The following MYRIP variants were observed in gnomAD, a reference collection of about 807,000 sequenced individuals.
MYRIP encodes rab effector MyRIP.
A neutral mutation model predicts 98.0 loss-of-function variants in MYRIP; 49 were observed. The ratio of observed to expected loss-of-function variants is 0.50; its 90% CI spans 0.40 to 0.63. The LOEUF is 0.63. Ranked by LOEUF, MYRIP falls within the 30% of genes least tolerant of loss-of-function variation. MYRIP has a pLI of 0.00. For synonymous variants in MYRIP, 404 were observed against 409.5 expected (o/e 0.99, Z 0.16); for missense variants, 1,004 against 1,058.2 (o/e 0.95, Z 0.71).
intron 2 of MYRIP, among the ~76,000 whole-genome samples, chr3:39,985,208 T>C (rs1399367454): frequency 2.7e-5 from 4 of 150,074 alleles, no homozygotes; most frequent in African/African-American, 9.8e-5. Context: ...CCATTCACAA[T>C]TGCTTCAAAG....
chr3:40,000,913 C>T lies in MYRIP; in HGVS notation c.111-43137C>T, dbSNP rs192063593. Among the ~76,000 whole-genome samples, 1,098 of 152,254 alleles carry T rather than the reference C, an allele frequency of 7.2e-3. 9 individuals carry two copies. Among genetic ancestry groups the T allele is most frequent in the Middle Eastern group, 0.021 (6 of 292 alleles). On this transcript the variant is annotated intron_variant, in intron 2 of 16. Coordinates refer to ENST00000302541, the MANE Select transcript of MYRIP (RefSeq NM_015460.4). The stretch of plus-strand genomic sequence containing the variant: ...AGGTTACCTTCTCCTTTCTCCTACC[C>T]TGGATTTGAATACCTGGGAAAACAT...
intron 1 of MYRIP, among the ~76,000 whole-genome samples, chr3:39,868,817 A>G (rs1422466336): frequency 6.6e-6 from 1 of 152,176 alleles, no homozygotes; most frequent in African/African-American, 2.4e-5. Context: ...CTTTTTGGAT[A>G]TAAAATTATG....
intron 2 of MYRIP, among the ~76,000 whole-genome samples, chr3:40,040,071 A>G (rs72871439): frequency 0.017 from 2,647 of 152,292 alleles, 70 homozygotes; most frequent in African/African-American, 0.059. Flanking sequence ...ATGCAGGATA[A>G]CTACATCTCA....
chr3:39,979,268 G>C (rs1332484079), intron 2 of MYRIP, among the ~76,000 whole-genome samples: 1 of 152,112 alleles, frequency 6.6e-6, no homozygotes, highest in East Asian at 1.9e-4. Context: ...ATATAGACAT[G>C]TGCCACTATG....
At chr3:39,920,476 G>A (rs1308638088) in intron 2 of MYRIP, among the ~76,000 whole-genome samples, 2 of 152,110 alleles carry the variant, frequency 1.3e-5, no homozygotes, top group African/African-American at 2.4e-5. Flanking sequence ...CTTAGCTGCT[G>A]AGACATTTTG....
rs139153340 is a variant in MYRIP, at chr3:40,130,002, G to A, written c.333-21046G>A. 1.8e-4 allele frequency among the ~76,000 whole-genome samples: 28 copies of A among 152,274 alleles called. No individual in the cohort carries two copies. The East Asian group carries it at 4.8e-3, about 26-fold the overall frequency. ...AAGTCCCTTGAAGTGATTAGTATTC[G>A]CAGTATGATGTTAAGTAGGTTTTTT... On this transcript the variant is annotated intron_variant, in intron 3 of 16. Coordinates refer to ENST00000302541, the MANE Select transcript of MYRIP (RefSeq NM_015460.4).
At chr3:40,240,818 G>T (rs1952986696) in intron 12 of MYRIP, among the ~76,000 whole-genome samples, 1 of 152,130 alleles carries the variant, frequency 6.6e-6, no homozygotes, top group Non-Finnish European at 1.5e-5. Context: ...GAGCTCCACT[G>T]TACCTATTGG....
At chr3:39,862,487 G>A (rs1942501880) in intron 1 of MYRIP, among the ~76,000 whole-genome samples, 1 of 151,946 alleles carries the variant, frequency 6.6e-6, no homozygotes, top group East Asian at 1.9e-4. Flanking sequence ...CAAAAAGCAG[G>A]GATTGCTATT....
chr3:40,145,666 C>G (rs769502383), intron 3 of MYRIP, among the ~76,000 whole-genome samples: 2 of 152,184 alleles, frequency 1.3e-5, no homozygotes, highest in African/African-American at 2.4e-5. Context: ...CATCTTTGAA[C>G]CTGGCTGCTT....
intron 10 of MYRIP, among the ~76,000 whole-genome samples, chr3:40,192,920 A>G (rs2261544): frequency 0.92 from 139,744 of 152,190 alleles, 64,226 homozygotes; most frequent in Middle Eastern, 0.96. Context: ...TAGAAAATGC[A>G]GAATAAGCTC....
chr3:39,977,010 C>G (rs543719729), intron 2 of MYRIP, among the ~76,000 whole-genome samples: 3 of 151,768 alleles, frequency 2.0e-5, no homozygotes, highest in Non-Finnish European at 4.4e-5. Flanking sequence ...CTAACCTGCA[C>G]GTTGTGCACA....
At chr3:39,981,465 G>A (rs192817211) in intron 2 of MYRIP, among the ~76,000 whole-genome samples, 5 of 152,056 alleles carry the variant, frequency 3.3e-5, no homozygotes, top group Admixed American at 3.3e-4. Flanking sequence ...TCACCTTTTT[G>A]AGTTCTATTT....
At chr3:40,212,011 C>T (rs191879215) in intron 11 of MYRIP, among the ~76,000 whole-genome samples, 1 of 151,436 alleles carries the variant, frequency 6.6e-6, no homozygotes, top group East Asian at 1.9e-4. Flanking sequence ...CAAGTCTTGC[C>T]TTCCTAGTCT....
chr3:40,151,087 T>C lies in MYRIP; in HGVS notation c.372T>C (p.Asn124=). 1 of 1,609,584 alleles carries C rather than the reference T, an allele frequency of 6.2e-7. No homozygotes were observed. The highest frequency in any genetic ancestry group is 1.3e-5 in the African/African-American group (1 of 74,988). The change falls in exon 4 of 17, where the codon AAT becomes AAC. Residue 124 remains asparagine (N), a synonymous_variant. Coordinates refer to ENST00000302541, the MANE Select transcript of MYRIP (RefSeq NM_015460.4). ...RAQSLEWFYN[N]VKSRFKRFGS... is the part of the protein sequence containing the mutation. ...AATCTCTGGAATGGTTCTACAATAA[T>C]GTGAAGAGCCGCTTCAAGCGCTTTG... is the stretch of plus-strand genomic sequence containing the variant.
At chr3:40,096,143 C>A (rs781070838) in intron 3 of MYRIP, among the ~76,000 whole-genome samples, 1 of 151,844 alleles carries the variant, frequency 6.6e-6, no homozygotes, top group African/African-American at 2.4e-5. Context: ...TTTCTCGGGC[C>A]ATTCTACCTC....
At chr3:39,844,051 C>A (rs769505205) in intron 1 of MYRIP, among the ~76,000 whole-genome samples, 24 of 152,304 alleles carry the variant, frequency 1.6e-4, no homozygotes, top group Non-Finnish European at 3.2e-4. Flanking sequence ...TTGAGAGCTT[C>A]CTCTGCAGAG....
chr3:39,933,247 T>A (rs1179271409), intron 2 of MYRIP, among the ~76,000 whole-genome samples: 1 of 152,190 alleles, frequency 6.6e-6, no homozygotes, highest in East Asian at 1.9e-4. Context: ...ACACAGCCAC[T>A]CCACTTGTTT....
At chr3:40,212,789 G>A (rs1408756924) in intron 11 of MYRIP, among the ~76,000 whole-genome samples, 1 of 151,988 alleles carries the variant, frequency 6.6e-6, no homozygotes, top group Non-Finnish European at 1.5e-5. Flanking sequence ...AGCCAAGCAT[G>A]GTGGTTAATG....
intron 12 of MYRIP, among the ~76,000 whole-genome samples, chr3:40,240,433 G>A (rs141765269): frequency 0.015 from 2,284 of 152,230 alleles, 30 homozygotes; most frequent in South Asian, 0.059. Flanking sequence ...CAGTGGGTGC[G>A]CACACTGTGC....
Sources: allele counts gnomAD v4.1 joint callset (sites outside exome capture counted in the v4.1 genomes callset), GRCh38; gene constraint gnomAD v4.1.1; transcripts MANE v1.5; gene names NCBI Gene and HGNC (gene_info 2026-07-23, HGNC 2026-07-21).